USP37: variants seen among roughly 807,000 people sequenced by gnomAD.
USP37 encodes the protein ubiquitin carboxyl-terminal hydrolase 37.
USP37 carries 27 observed loss-of-function variants against 124.0 expected under a neutral mutation model. The ratio of observed to expected loss-of-function variants is 0.22; its 90% CI spans 0.16 to 0.30. The LOEUF (loss-of-function observed/expected upper bound fraction) is 0.30, where lower values mean the gene tolerates loss of function less well. USP37 is among the 10% of genes least tolerant of loss of function. The probability of loss-of-function intolerance (pLI) is 1.00; values close to 1 mark genes in which losing one functional copy is unlikely to be tolerated. For synonymous variants in USP37, 365 were observed against 388.0 expected (o/e 0.94, Z 0.70); for missense variants, 889 against 1,140.4 (o/e 0.78, Z 3.17).
Position 218,549,812 on chromosome 2 carries a change from A to G in USP37, c.426T>C (p.Asn142=), listed in dbSNP as rs1692566289. The change falls in exon 6 of 26, where the codon AAT becomes AAC. Residue 142 remains asparagine (N), a synonymous_variant. Coordinates refer to ENST00000258399, the MANE Select transcript of USP37 (RefSeq NM_020935.3). ...ETSRQLSYSD[N]QASAKRGSLE... ...AAAAAGATTCAAATGAACATACCTGATTGTCTGAGTAAGAAAGCTGCCTGC... is the reference window on the plus strand; with the variant it reads ...AAAAAGATTCAAATGAACATACCTGGTTGTCTGAGTAAGAAAGCTGCCTGC... 1.2e-6 allele frequency: 2 copies of G among 1,611,938 alleles called. No homozygotes were observed.
chr2:218,469,256 T>C (rs1473750299), intron 20 of USP37, among the ~76,000 whole-genome samples: 2 of 152,158 alleles, frequency 1.3e-5, no homozygotes, highest in Non-Finnish European at 2.9e-5. Flanking sequence ...TTTCTTCTAT[T>C]ATTGGAGAAA....
intron 20 of USP37, among the ~76,000 whole-genome samples, chr2:218,468,755 A>G (rs551461656): frequency 1.3e-5 from 2 of 151,676 alleles, no homozygotes; most frequent in Admixed American, 6.6e-5. Context: ...GTACAGTGGC[A>G]CAATCTCGGC....
intron 14 of USP37, among the ~76,000 whole-genome samples, chr2:218,492,467 T>A (rs1327632069): frequency 6.6e-6 from 1 of 152,218 alleles, no homozygotes; most frequent in Non-Finnish European, 1.5e-5. Flanking sequence ...TTTTAAATTT[T>A]ATAAGCAGAA....
At chr2:218,466,456 T>C (rs1273449354) in intron 20 of USP37, among the ~76,000 whole-genome samples, 1 of 152,122 alleles carries the variant, frequency 6.6e-6, no homozygotes, top group Non-Finnish European at 1.5e-5. Context: ...TACTAGATAT[T>C]AGTAGCATCC....
chr2:218,499,406 T>C (rs1689247897), intron 11 of USP37, among the ~76,000 whole-genome samples: 1 of 152,202 alleles, frequency 6.6e-6, no homozygotes, highest in African/African-American at 2.4e-5. Flanking sequence ...CATCACTTAA[T>C]ATCCCTCTCT....
chr2:218,515,960 G>A (rs1054159595), intron 10 of USP37, among the ~76,000 whole-genome samples: 1 of 2,900 alleles, frequency 3.4e-4, no homozygotes. Flanking sequence ...CTGGTCATTA[G>A]AGAATGCAAA....
Position 218,558,404 on chromosome 2 carries a change from G to C in USP37, c.156+94C>G, listed in dbSNP as rs867969620. 2.4e-5 allele frequency: 26 copies of C among 1,090,990 alleles called. No homozygotes were observed. In the African/African-American group the frequency reaches 3.4e-4, roughly 14 times the overall value. The allele number at this position is 1,090,990 out of a possible 1,614,324, so 67.6% of individuals were successfully genotyped here. A position where few individuals can be genotyped will look rare whatever the true frequency, so the allele number is the denominator to read the frequency against. Reference sequence around the variant, plus strand: ...TAAGAAGCAAGAAATATTAATCTAGGAGGAGGGCTACTGTGATGTTTACTA... The same window carrying C: ...TAAGAAGCAAGAAATATTAATCTAGCAGGAGGGCTACTGTGATGTTTACTA... On this transcript the variant is annotated intron_variant, in intron 4 of 25. Transcript: ENST00000258399.
chr2:218,497,308 T>A (rs1689134514), intron 13 of USP37, among the ~76,000 whole-genome samples: 1 of 150,010 alleles, frequency 6.7e-6, no homozygotes, highest in South Asian at 2.1e-4. Context: ...CCTGACCTCA[T>A]GATCCACCCA....
chr2:218,542,116 T>C (rs906229070), intron 8 of USP37, among the ~76,000 whole-genome samples: 2 of 152,174 alleles, frequency 1.3e-5, no homozygotes, highest in African/African-American at 4.8e-5. Flanking sequence ...TGTGGTACTT[T>C]TACCTGAGAT....
In USP37 at chr2:218,546,371, C is replaced by G. The variant is rs1479753038; in HGVS notation, c.603-73G>C. On this transcript the variant is annotated intron_variant, in intron 7 of 25. Transcript: ENST00000258399. ...TCACAAAAATTCATAAATCAACATACTGAAGGACAGGAAATGGGACTACTA... is the reference window on the plus strand; with the variant it reads ...TCACAAAAATTCATAAATCAACATAGTGAAGGACAGGAAATGGGACTACTA... The G allele has an allele frequency of 2.9e-6, 3 of 1,039,756 alleles. No homozygotes were observed. In the African/African-American group the frequency reaches 4.8e-5, roughly 17 times the overall value. The allele number at this position is 1,039,756 out of a possible 1,614,324, so 64.4% of individuals were successfully genotyped here.
chr2:218,475,907 C>T (rs1419243420), intron 19 of USP37, among the ~76,000 whole-genome samples: 3 of 144,712 alleles, frequency 2.1e-5, no homozygotes, highest in African/African-American at 7.8e-5. Flanking sequence ...GCCTGGGCAA[C>T]AGAGTGAGAC....
intron 19 of USP37, 34 bp from the exon 20 acceptor site, chr2:218,474,919 A>G: frequency 1.3e-6 from 2 of 1,566,724 alleles, no homozygotes; most frequent in Non-Finnish European, 1.7e-6. Flanking sequence ...AAGAAACCAG[A>G]ATACCTACAA....
intron 10 of USP37, among the ~76,000 whole-genome samples, chr2:218,526,494 ACT>A (rs1690974166): frequency 6.6e-6 from 1 of 151,872 alleles, no homozygotes; most frequent in Non-Finnish European, 1.5e-5. Context: ...GAATGGCCAC[ACT>A]CTCTTCCACA....
intron 19 of USP37, among the ~76,000 whole-genome samples, chr2:218,475,477 G>A (rs1217740626): frequency 1.3e-5 from 2 of 152,300 alleles, no homozygotes; most frequent in South Asian, 2.1e-4. Context: ...GCTCATGCCT[G>A]TAATCCCAGC....
In USP37 at chr2:218,547,009, A is replaced by G. The variant is rs766268429; in HGVS notation, c.512T>C (p.Ile171Thr). 2 of 1,613,762 alleles carry G rather than the reference A, an allele frequency of 1.2e-6. No homozygotes were observed. The highest frequency in any genetic ancestry group is 2.2e-5 in the East Asian group (1 of 44,866). The change falls in exon 7 of 26, where the codon ATT becomes ACT. Residue 171 changes from isoleucine to threonine, a missense_variant. Physicochemically the swap from Ile to Thr is moderately conservative, Grantham distance 89. Coordinates refer to ENST00000258399, the MANE Select transcript of USP37 (RefSeq NM_020935.3). ...KVLGNPGRGSIKTVAGSGIAR... is the reference protein window; with the variant it reads ...KVLGNPGRGSTKTVAGSGIAR... ...TATTCCACTTCCTGCTACAGTCTTAATCGATCCTCTACCCGGATTACCAAG... is the reference window on the plus strand; with the variant it reads ...TATTCCACTTCCTGCTACAGTCTTAGTCGATCCTCTACCCGGATTACCAAG...
At chr2:218,459,696 C>G in intron 23 of USP37, 94 bp downstream of exon 23, 1 of 992,298 alleles carries the variant, frequency 1.0e-6, no homozygotes, top group Non-Finnish European at 1.5e-6. Flanking sequence ...CAAAATGAAC[C>G]TGCAGTGGAC....
intron 10 of USP37, among the ~76,000 whole-genome samples, chr2:218,529,033 C>T (rs1414651619): frequency 6.6e-6 from 1 of 152,110 alleles, no homozygotes; most frequent in Non-Finnish European, 1.5e-5. Context: ...TTAGTATGTT[C>T]ATCCACATGG....
At chr2:218,467,750 C>T (rs1690433453) in intron 20 of USP37, among the ~76,000 whole-genome samples, 1 of 152,130 alleles carries the variant, frequency 6.6e-6, no homozygotes, top group Non-Finnish European at 1.5e-5. Flanking sequence ...TCCCAAAGTG[C>T]TGGGATTATA....
intron 1 of USP37, among the ~76,000 whole-genome samples, chr2:218,567,775 T>G (rs1028514121): frequency 6.6e-6 from 1 of 152,212 alleles, no homozygotes; most frequent in Non-Finnish European, 1.5e-5. Context: ...ATTCATGTTT[T>G]GCAGTGAGGA....
Sources: allele counts gnomAD v4.1 joint callset (sites outside exome capture counted in the v4.1 genomes callset), GRCh38; gene constraint gnomAD v4.1.1; transcripts MANE v1.5; gene names NCBI Gene and HGNC (gene_info 2026-07-23, HGNC 2026-07-21).